The following TAFA1 variants were observed in gnomAD, a reference collection of about 807,000 sequenced individuals.
The protein encoded by TAFA1 is chemokine-like protein TAFA-1.
In TAFA1, 4 loss-of-function variants were observed where a neutral mutation model predicts 18.5. The observed-to-expected ratio is 0.22, with a 90% CI of 0.11 to 0.49. The LOEUF is 0.49. Ranked by LOEUF, TAFA1 falls within the 20% of genes least tolerant of loss-of-function variation. The pLI is 0.98. For missense variants in TAFA1, 147 were observed against 169.0 expected (o/e 0.87, Z 0.72); for synonymous variants, 56 against 55.2 (o/e 1.01, Z -0.06).
At chr3:68,091,580 A>C (rs960901068) in intron 2 of TAFA1, among the ~76,000 whole-genome samples, 25 of 152,154 alleles carry the variant, frequency 1.6e-4, no homozygotes, top group African/African-American at 5.6e-4. Flanking sequence ...TTATTTTCTA[A>C]TATAAGGAAC....
At chr3:68,157,575 C>T (rs1231918766) in intron 2 of TAFA1, among the ~76,000 whole-genome samples, 9 of 152,178 alleles carry the variant, frequency 5.9e-5, no homozygotes, top group Non-Finnish European at 1.3e-4. Flanking sequence ...ATCTTATGGT[C>T]TCATCTCCCA....
At chr3:68,429,849 C>T (rs1367871132) in intron 3 of TAFA1, among the ~76,000 whole-genome samples, 1 of 151,918 alleles carries the variant, frequency 6.6e-6, no homozygotes, top group Non-Finnish European at 1.5e-5. Context: ...ATAATGCCCA[C>T]CTGTGAGTCC....
intron 2 of TAFA1, among the ~76,000 whole-genome samples, chr3:68,361,655 A>G (rs2069470693): frequency 2.5e-5 from 1 of 39,614 alleles, no homozygotes; most frequent in Non-Finnish European, 5.3e-5. Context: ...AAAACAAAGG[A>G]AAAAAAAAAC....
chr3:68,517,378 C>T (rs2072939263), intron 3 of TAFA1, among the ~76,000 whole-genome samples: 1 of 152,174 alleles, frequency 6.6e-6, no homozygotes, highest in Non-Finnish European at 1.5e-5. Flanking sequence ...CTAAAAGTGA[C>T]ACCCTTTGTT....
upstream of TAFA1, among the ~76,000 whole-genome samples, chr3:68,000,914 G>A (rs781430767): frequency 1.3e-5 from 2 of 151,788 alleles, no homozygotes; most frequent in Admixed American, 6.6e-5. Flanking sequence ...AAACTATTGC[G>A]TTGTTGAATG....
chr3:68,474,823 CAA>C (rs1314817187), intron 3 of TAFA1, among the ~76,000 whole-genome samples: 1 of 152,126 alleles, frequency 6.6e-6, no homozygotes, highest in East Asian at 1.9e-4. Flanking sequence ...AAATATAGCA[CAA>C]GAGAGAAGCA....
At chr3:68,331,990 A>T (rs761162482) in intron 2 of TAFA1, among the ~76,000 whole-genome samples, 2 of 146,110 alleles carry the variant, frequency 1.4e-5, no homozygotes, top group Non-Finnish European at 3.0e-5. Flanking sequence ...CAGCCTCCCG[A>T]GTAGCTGGGA....
At chr3:68,526,346 T>C (rs1291147238) in intron 3 of TAFA1, among the ~76,000 whole-genome samples, 2 of 152,206 alleles carry the variant, frequency 1.3e-5, no homozygotes, top group African/African-American at 4.8e-5. Flanking sequence ...CTATTTAAAT[T>C]TTATTTATAT....
At chr3:68,250,435 C>G (rs995557565) in intron 2 of TAFA1, among the ~76,000 whole-genome samples, 3 of 152,126 alleles carry the variant, frequency 2.0e-5, no homozygotes, top group Non-Finnish European at 4.4e-5. Context: ...AGAAACTAAA[C>G]TAGGAATCAG....
At chr3:68,454,709 C>T (rs113327074) in intron 3 of TAFA1, among the ~76,000 whole-genome samples, 3,044 of 152,264 alleles carry the variant, frequency 0.02, 44 homozygotes, top group Non-Finnish European at 0.033. Flanking sequence ...TCCACACCCA[C>T]ACTTATTCTT....
chr3:68,032,602 C>T (rs531419675), intron 2 of TAFA1, among the ~76,000 whole-genome samples: 11 of 152,140 alleles, frequency 7.2e-5, no homozygotes, highest in Non-Finnish European at 1.6e-4. Flanking sequence ...CTTCCATGTT[C>T]ATCCAGACTC....
chr3:68,462,691 T>G (rs180747175), intron 3 of TAFA1, among the ~76,000 whole-genome samples: 1 of 152,312 alleles, frequency 6.6e-6, no homozygotes, highest in Non-Finnish European at 1.5e-5. Flanking sequence ...TCAGGATAGT[T>G]CCTTGTCATA....
intron 2 of TAFA1, among the ~76,000 whole-genome samples, chr3:68,412,714 T>C (rs2070739743): frequency 6.6e-6 from 1 of 152,132 alleles, no homozygotes; most frequent in South Asian, 2.1e-4. Context: ...ATGCATCCTT[T>C]TTTATGGCTG....
chr3:68,239,775 T>G (rs1378233652), intron 2 of TAFA1, among the ~76,000 whole-genome samples: 1 of 152,204 alleles, frequency 6.6e-6, no homozygotes, highest in Non-Finnish European at 1.5e-5. Context: ...ACTGATCGAC[T>G]GAATCCCTCA....
At chr3:68,230,361 A>C (rs888826320) in intron 2 of TAFA1, among the ~76,000 whole-genome samples, 44 of 151,920 alleles carry the variant, frequency 2.9e-4, no homozygotes, top group Non-Finnish European at 5.3e-4. Flanking sequence ...ATAAGTGAAA[A>C]ATGTGCCATG....
chr3:68,214,315 T>C (rs369802489), intron 2 of TAFA1, among the ~76,000 whole-genome samples: 1 of 152,132 alleles, frequency 6.6e-6, no homozygotes, highest in East Asian at 1.9e-4. Flanking sequence ...AATCAGGAAT[T>C]GATCTCTGAG....
intron 2 of TAFA1, among the ~76,000 whole-genome samples, chr3:68,165,263 G>A (rs147843212): frequency 1.2e-4 from 18 of 152,240 alleles, no homozygotes; most frequent in African/African-American, 3.9e-4. Flanking sequence ...GCATAAGGTG[G>A]GAACTCCCAA....
At chr3:68,495,158 T>C (rs1329377682) in intron 3 of TAFA1, among the ~76,000 whole-genome samples, 1 of 152,206 alleles carries the variant, frequency 6.6e-6, no homozygotes, top group Non-Finnish European at 1.5e-5. Flanking sequence ...ACTTTCTAGT[T>C]CATCTGAGCA....
intron 4 of TAFA1, 70 bp from the exon 5 acceptor site, chr3:68,544,416 A>G (rs965617277): frequency 3.3e-6 from 5 of 1,495,640 alleles, no homozygotes; most frequent in Non-Finnish European, 4.6e-6. Context: ...CCTTTTCTAC[A>G]TAATCACATT....
Sources: allele counts gnomAD v4.1 joint callset (sites outside exome capture counted in the v4.1 genomes callset), GRCh38; gene constraint gnomAD v4.1.1; transcripts MANE v1.5; gene names NCBI Gene and HGNC (gene_info 2026-07-23, HGNC 2026-07-21).